The following TBCCD1 variants were observed in gnomAD, a reference collection of about 807,000 sequenced individuals.
The protein encoded by TBCCD1 is TBCC domain-containing protein 1.
In TBCCD1, 26 loss-of-function variants were observed where a neutral mutation model predicts 53.4. The observed-to-expected ratio is 0.49, with a 90% CI of 0.36 to 0.68. The LOEUF (loss-of-function observed/expected upper bound fraction) is 0.68, where lower values mean the gene tolerates loss of function less well. Ranked by LOEUF, TBCCD1 falls within the 30% of genes least tolerant of loss-of-function variation. The pLI is 0.00. For synonymous variants in TBCCD1, 245 were observed against 241.7 expected, an observed-to-expected ratio of 1.01 and a Z score of -0.13; for missense variants, 558 against 669.5, an observed-to-expected ratio of 0.83 and a Z score of 1.84.
rs549365957 is a variant in TBCCD1 at position 186,556,710 on chromosome 3, A to T, written c.558T>A (p.Leu186=). The change falls in exon 4 of 8, where the codon CTT becomes CTA. Residue 186 remains leucine, a synonymous_variant. Coordinates refer to ENST00000338733, the MANE Select transcript of TBCCD1 (RefSeq NM_018138.5). ...YDHLSDLLEL[L]LDPKQLTASF... ...ATGCAGTGAGTTGTTTTGGATCTAA[A>T]AGCAGCTCGAGGAGATCAGACAGAT... 3.1e-6 allele frequency: 5 copies of T among 1,614,216 alleles called. No homozygotes were observed. In the East Asian group the frequency reaches 1.1e-4, roughly 36 times the overall value.
At chr3:186,558,780 G>A (rs1268389931) in intron 2 of TBCCD1, among the ~76,000 whole-genome samples, 6 of 151,738 alleles carry the variant, frequency 4.0e-5, no homozygotes, top group Admixed American at 2.0e-4. Context: ...CACTCTTGTC[G>A]CCCAGGCTGG....
chr3:186,552,993 T>C (rs1472923097), intron 6 of TBCCD1, among the ~76,000 whole-genome samples: 1 of 152,220 alleles, frequency 6.6e-6, no homozygotes, highest in African/African-American at 2.4e-5. Flanking sequence ...ATTTGAAGTA[T>C]GATGGGAGGC....
chr3:186,563,854 G>A lies in TBCCD1; in HGVS notation c.336+140C>T, dbSNP rs116493452. ...CGAGGCAGGAAGACTGCTTGAAGCC[G>A]GGAGTTCAAGACCAGCCTGGGCAAC... On this transcript the variant is annotated intron_variant, in intron 2 of 7. Transcript: ENST00000338733. The A allele has an allele frequency of 4.4e-3, 4,348 of 982,396 alleles. 105 individuals are homozygous for A. In the African/African-American group the frequency reaches 0.061, roughly 14 times the overall value. The allele number at this position is 982,396 out of a possible 1,614,324, so 60.9% of individuals were successfully genotyped here.
chr3:186,549,730 C>G (rs916455419), intron 7 of TBCCD1, among the ~76,000 whole-genome samples: 1 of 152,204 alleles, frequency 6.6e-6, no homozygotes, highest in Non-Finnish European at 1.5e-5. Flanking sequence ...AACTGCCCCC[C>G]ACAGAGGTTA....
At chr3:186,563,669 A>C (rs1714744904) in intron 2 of TBCCD1, among the ~76,000 whole-genome samples, 1 of 152,246 alleles carries the variant, frequency 6.6e-6, no homozygotes, top group African/African-American at 2.4e-5. Context: ...GAATACATGA[A>C]ATACTGCCAA....
At position 186,549,551 on chromosome 3, in the gene TBCCD1, C is replaced by G. The variant is rs370217356; in HGVS notation, c.*21+1578G>C. Reference sequence around the variant, plus strand: ...AATTGGGTGTGATAGCATGCACCTGCAGTCCCAGCTGAGACAGGATTGCTT... The same window carrying G: ...AATTGGGTGTGATAGCATGCACCTGGAGTCCCAGCTGAGACAGGATTGCTT... On this transcript the variant is annotated intron_variant, in intron 7 of 7. Transcript: ENST00000338733. Among the ~76,000 whole-genome samples the G allele has an allele frequency of 3.3e-5, 5 of 152,280 alleles. No individual in the cohort carries two copies. In the East Asian group the frequency reaches 9.7e-4, roughly 29 times the overall value.
Position 186,546,356 on chromosome 3 carries a change from G to A in TBCCD1, c.*621C>T, listed in dbSNP as rs1714204054. 6.6e-6 allele frequency: 1 copy of A among 152,160 alleles called. No homozygotes were observed. The allele number at this position is 152,160 out of a possible 1,614,324, so 9.4% of individuals were successfully genotyped here. ...CACTATAGTTGCAAATCTACACTCA[G>A]TTGCTTTAATATTAACATACATACA... is the stretch of plus-strand genomic sequence containing the variant. On this transcript the variant is annotated 3_prime_UTR_variant, in exon 8 of 8. Transcript: ENST00000338733.
At chr3:186,556,277 C>CATGA in intron 4 of TBCCD1, 132 bp downstream of exon 4, 1 of 983,194 alleles carries the variant, frequency 1.0e-6, no homozygotes, top group Non-Finnish European at 1.4e-6. Flanking sequence ...GACAGATGTT[C>CATGA]CTTTTTCTCT....
chr3:186,551,153 T>A lies in TBCCD1; in HGVS notation c.1671A>T (p.Gly557=), dbSNP rs143977007. The A allele has an allele frequency of 1.2e-6, 2 of 1,611,592 alleles. No individual in the cohort carries two copies. The highest frequency in any genetic ancestry group is 2.2e-5 in the East Asian group (1 of 44,876). Residue 557 remains glycine, a synonymous_variant, in exon 7 of 8, where the codon GGA becomes GGT. Coordinates refer to ENST00000338733, the MANE Select transcript of TBCCD1 (RefSeq NM_018138.5). ...PPAAGSKQAA[G] is the part of the protein sequence containing the mutation. ...CCAGTGTCTGCATGTAAGATCCTTA[T>A]CCAGCTGCTTGTTTGGAGCCTGCTG...
At chr3:186,549,305 T>TAAA (rs1553847678) in intron 7 of TBCCD1, among the ~76,000 whole-genome samples, 4 of 151,942 alleles carry the variant, frequency 2.6e-5, no homozygotes, top group African/African-American at 9.7e-5. Flanking sequence ...AATAAATAAA[T>TAAA]TAATTAATTA....
chr3:186,569,623 CTT>C (rs370706242), upstream of TBCCD1, among the ~76,000 whole-genome samples: 35 of 133,904 alleles, frequency 2.6e-4, no homozygotes, highest in Admixed American at 4.5e-4. Context: ...CGCGCCCGGG[CTT>C]TTTTTTTTTT....
chr3:186,558,373 C>A, intron 3 of TBCCD1, 44 bp downstream of exon 3: 2 of 1,578,012 alleles, frequency 1.3e-6, no homozygotes, highest in Non-Finnish European at 1.7e-6. Context: ...ATCTCCCACA[C>A]AAATTGTCCC....
chr3:186,546,832 A>G lies in TBCCD1; in HGVS notation c.*145T>C, dbSNP rs74998089. The G allele has an allele frequency of 1.4e-5, 2 of 147,014 alleles. No individual in the cohort carries two copies. The highest frequency in any genetic ancestry group is 3.0e-5 in the Non-Finnish European group (2 of 66,260). The allele number at this position is 147,014 out of a possible 1,614,324, so 9.1% of individuals were successfully genotyped here. ...GGCGACAGAACAAGACTCTGCCTCA[A>G]AAAAAAAAAAAAAAAAAGACAGAAA... On this transcript the variant is annotated 3_prime_UTR_variant, in exon 8 of 8. Transcript: ENST00000338733.
chr3:186,556,824 A>G (rs1459581646), intron 3 of TBCCD1, 49 bp from the exon 4 acceptor site: 1 of 1,554,620 alleles, frequency 6.4e-7, no homozygotes, highest in Non-Finnish European at 8.6e-7. Flanking sequence ...ATTCCACAAG[A>G]TCTAAAATTT....
upstream of TBCCD1, chr3:186,570,309 G>A (rs1449587071): frequency 1.9e-6 from 1 of 539,290 alleles, no homozygotes; most frequent in Non-Finnish European, 3.3e-6. Context: ...GAGCGTAGCT[G>A]GGTATGAATG....
intron 6 of TBCCD1, 138 bp downstream of exon 6, chr3:186,554,116 G>A (rs1274503371): frequency 2.6e-5 from 32 of 1,221,984 alleles, no homozygotes; most frequent in Middle Eastern, 5.7e-4. Flanking sequence ...CCAAAGTGCT[G>A]GGATTATAGG....
intron 7 of TBCCD1, among the ~76,000 whole-genome samples, chr3:186,547,375 T>C (rs1457374474): frequency 6.6e-6 from 1 of 151,632 alleles, no homozygotes; most frequent in Non-Finnish European, 1.5e-5. Context: ...CTCCAGTCTG[T>C]GTCCAGAGTA....
chr3:186,554,244 A>C lies in TBCCD1; in HGVS notation c.1544+10T>G. 6.2e-7 allele frequency: 1 copy of C among 1,608,600 alleles called. No individual in the cohort carries two copies. The highest frequency in any genetic ancestry group is 8.5e-7 in the Non-Finnish European group (1 of 1,178,854). ...AAAAACACAAACTGTTACTTGTAAA[A>C]AATACTCACTTTGTCAAATGAGCCT... On this transcript the variant is annotated intron_variant, in intron 6 of 7. Transcript: ENST00000338733.
intron 7 of TBCCD1, among the ~76,000 whole-genome samples, chr3:186,549,848 T>C (rs1018138095): frequency 2.0e-5 from 3 of 152,190 alleles, no homozygotes; most frequent in African/African-American, 7.2e-5. Flanking sequence ...TTTCTTTAAT[T>C]TTAAGTAAGC....
Sources: allele counts gnomAD v4.1 joint callset (sites outside exome capture counted in the v4.1 genomes callset), GRCh38; gene constraint gnomAD v4.1.1; transcripts MANE v1.5; gene names NCBI Gene and HGNC (gene_info 2026-07-23, HGNC 2026-07-21).